The following MORC2 variants were observed in gnomAD, a reference collection of about 807,000 sequenced individuals.
MORC2 encodes the protein ATPase MORC2.
Under a neutral mutation model 136.0 loss-of-function variants are expected in MORC2, and 30 were observed. The ratio of observed to expected loss-of-function variants is 0.22; its 90% confidence interval spans 0.17 to 0.30. MORC2 has a LOEUF of 0.30. MORC2 is among the 10% of genes least tolerant of loss of function. MORC2 has a pLI of 1.00. For missense variants in MORC2, 922 were observed against 1,333.1 expected (o/e 0.69, Z 4.80); for synonymous variants, 439 against 487.0 (o/e 0.90, Z 1.30).
At chr22:30,926,963 CCA>C (rs1273723138) in intron 25 of MORC2, 92 bp from the exon 26 acceptor site, 7 of 1,072,120 alleles carry the variant, frequency 6.5e-6, no homozygotes, top group Non-Finnish European at 9.8e-6. Flanking sequence ...GGGATGGAGC[CCA>C]GAGTCCTCTC....
chr22:30,931,584 C>T (rs1262707352), intron 24 of MORC2, among the ~76,000 whole-genome samples: 4 of 152,216 alleles, frequency 2.6e-5, no homozygotes. Flanking sequence ...CAGCCTGTTG[C>T]CTGGACCCCA....
chr22:30,926,950 C>A, intron 25 of MORC2, 79 bp from the exon 26 acceptor site: 3 of 1,257,350 alleles, frequency 2.4e-6, no homozygotes, highest in Non-Finnish European at 3.5e-6. Context: ...TCTCTCAGCT[C>A]CTGGGATGGA....
intron 5 of MORC2, among the ~76,000 whole-genome samples, chr22:30,949,154 G>C (rs565103464): frequency 1.2e-4 from 19 of 152,274 alleles, no homozygotes; most frequent in Admixed American, 1.1e-3. Flanking sequence ...TTTCTCTTGG[G>C]GCTTCACTCA....
intron 6 of MORC2, among the ~76,000 whole-genome samples, chr22:30,942,836 C>T (rs950292503): frequency 6.6e-6 from 1 of 152,036 alleles, no homozygotes; most frequent in Non-Finnish European, 1.5e-5. Flanking sequence ...GAATCCCGGT[C>T]TCCACTAAAA....
Position 30,935,223 on chromosome 22 carries a change from C to T in MORC2, c.1812+25G>A, listed in dbSNP as rs199875348. ...CTAGCATGAGACACCTGAGGAAAAG[C>T]CCTTCCCAGGCCCCTGGACTTCACC... is the stretch of plus-strand genomic sequence containing the variant. On this transcript the variant is annotated intron_variant, in intron 18 of 25. Coordinates refer to ENST00000397641, the MANE Select transcript of MORC2 (RefSeq NM_001303256.3). The T allele has an allele frequency of 3.1e-6, 5 of 1,612,288 alleles. No homozygotes were observed. The East Asian group carries it at 6.7e-5, about 22-fold the overall frequency.
At chr22:30,936,671 G>A (rs748560908) in intron 16 of MORC2, 28 bp from the exon 17 acceptor site, 17 of 1,606,014 alleles carry the variant, frequency 1.1e-5, no homozygotes, top group Admixed American at 3.4e-5. Flanking sequence ...TACAGAGGTC[G>A]TGGCAAACAG....
intron 3 of MORC2, among the ~76,000 whole-genome samples, chr22:30,954,324 G>T (rs1478256256): frequency 6.6e-6 from 1 of 152,124 alleles, no homozygotes; most frequent in Non-Finnish European, 1.5e-5. Context: ...TGTTAACAAG[G>T]CCCTGTGGTA....
chr22:30,950,352 C>CCCACA, intron 4 of MORC2, 25 bp downstream of exon 4: 1 of 1,449,958 alleles, frequency 6.9e-7, no homozygotes, highest in Non-Finnish European at 9.7e-7. Context: ...CCCCCACCCC[C>CCCACA]CAAAACAATA....
chr22:30,952,519 TA>T (rs1177351140), intron 3 of MORC2, among the ~76,000 whole-genome samples: 1 of 152,214 alleles, frequency 6.6e-6, no homozygotes, highest in Non-Finnish European at 1.5e-5. Flanking sequence ...TCGTGTAGTT[TA>T]AAGGGTAAGA....
chr22:30,939,887 G>T (rs1287976239), intron 11 of MORC2, 72 bp downstream of exon 11: 5 of 1,501,388 alleles, frequency 3.3e-6, no homozygotes, highest in African/African-American at 1.4e-5. Flanking sequence ...TGTTTTACTT[G>T]ACCAGGCTCA....
intron 12 of MORC2, among the ~76,000 whole-genome samples, chr22:30,939,145 A>C (rs2040703136): frequency 6.6e-6 from 1 of 152,226 alleles, no homozygotes; most frequent in South Asian, 2.1e-4. Flanking sequence ...CTGGTTCTAA[A>C]TGCAAAAGTA....
In MORC2 at chr22:30,935,320, T is replaced by C; in HGVS notation, c.1740A>G (p.Lys580=). Residue 580 remains lysine, a splice_region_variant and synonymous_variant, in exon 18 of 26, where the codon AAA becomes AAG. Transcript: ENST00000397641. Reference sequence around the variant, plus strand: ...CTGCTTGGGAGCGGATGGGTGTGGTTTTCTGCAAGGCAAACATCATGATGA... The same window carrying C: ...CTGCTTGGGAGCGGATGGGTGTGGTCTTCTGCAAGGCAAACATCATGATGA... ...QQQEKLEALQ[K]TTPIRSQADL... 6.2e-7 allele frequency: 1 copy of C among 1,613,528 alleles called. No individual in the cohort carries two copies. The highest frequency in any genetic ancestry group is 8.5e-7 in the Non-Finnish European group (1 of 1,179,748).
Position 30,968,185 on chromosome 22 carries a change from A to G in MORC2, c.-296T>C. 1 of 320,910 alleles carries G rather than the reference A, an allele frequency of 3.1e-6. No individual in the cohort carries two copies. Among genetic ancestry groups the G allele is most frequent in the South Asian group, 3.4e-5 (1 of 29,810 alleles). The allele number at this position is 320,910 out of a possible 1,614,324, so 19.9% of individuals were successfully genotyped here. A position where few individuals can be genotyped will look rare whatever the true frequency, so the allele number is the denominator to read the frequency against. On this transcript the variant is annotated 5_prime_UTR_variant, in exon 1 of 26. Transcript: ENST00000397641. ...GCATTAAGTTGCGATAGCTCAATTC[A>G]GACAATCTGAGTCTCGTGTGGATGG... is the stretch of plus-strand genomic sequence containing the variant.
intron 1 of MORC2, among the ~76,000 whole-genome samples, chr22:30,962,451 C>G (rs1407538770): frequency 6.6e-6 from 1 of 151,590 alleles, no homozygotes; most frequent in East Asian, 1.9e-4. Flanking sequence ...ATAAATAAGC[C>G]AGGTGTGGTG....
chr22:30,932,560 A>G lies in MORC2; in HGVS notation c.2732T>C (p.Leu911Pro). 6.2e-7 allele frequency: 1 copy of G among 1,614,146 alleles called. No individual in the cohort carries two copies. Among genetic ancestry groups the G allele is most frequent in the South Asian group, 1.1e-5 (1 of 91,078 alleles). ...LSTNHETIDL[L>P]VQILRNCLRY... ...ACACATGTACCGGAGGATCTGGACA[A>G]GCAGGTCGATGGTCTCGTGATTGGT... Residue 911 changes from leucine (L) to proline (P), a missense_variant, in exon 23 of 26, where the codon CTT becomes CCT. This residue lies in a region of MORC2 where 263 missense variants were observed against 388.3 expected (regional missense o/e 0.68). Transcript: ENST00000397641. This position sits in a 1 kb window ranked among gnomAD's most constrained non-coding sequence, Gnocchi z 4.4.
intron 3 of MORC2, among the ~76,000 whole-genome samples, chr22:30,953,660 C>T (rs549283085): frequency 6.6e-6 from 1 of 152,262 alleles, no homozygotes; most frequent in Non-Finnish European, 1.5e-5. Flanking sequence ...TTAATCATTG[C>T]CCTGGCATCA....
rs369384586 is a variant in MORC2 at position 30,934,104 on chromosome 22, G to A, written c.2281C>T (p.Arg761Trp). ...EAERRKERCK[R>W]GRFVVKEEKK... ...TCCTCCTTCACAACAAATCTGCCCC[G>A]CTTGCACCTCTCCTTCCTCCTCTCA... Residue 761 changes from arginine (R) to tryptophan (W), a missense_variant, in exon 20 of 26, where the codon CGG becomes TGG. Coordinates refer to ENST00000397641, the MANE Select transcript of MORC2 (RefSeq NM_001303256.3). This position sits in a 1 kb window ranked among gnomAD's most constrained non-coding sequence, Gnocchi z 4.4. 1.9e-5 allele frequency: 31 copies of A among 1,613,948 alleles called. No homozygotes were observed. Among genetic ancestry groups the A allele is most frequent in the East Asian group, 8.9e-5 (4 of 44,888 alleles).
At chr22:30,938,043 G>A (rs1202044794) in intron 13 of MORC2, 22 bp downstream of exon 13, 2 of 1,613,874 alleles carry the variant, frequency 1.2e-6, no homozygotes, top group African/African-American at 1.3e-5. Flanking sequence ...GGGCTAGACA[G>A]CTCTCTGTGG....
At chr22:30,949,067 C>T (rs1274756549) in intron 5 of MORC2, among the ~76,000 whole-genome samples, 2 of 152,224 alleles carry the variant, frequency 1.3e-5, no homozygotes, top group Non-Finnish European at 2.9e-5. Context: ...TCCATTTGCA[C>T]AAACTCCAAT....
Sources: allele counts gnomAD v4.1 joint callset (sites outside exome capture counted in the v4.1 genomes callset), GRCh38; gene constraint gnomAD v4.1.1; regional missense constraint gnomAD v4.1.1; non-coding constraint Gnocchi (gnomAD v3.1); transcripts MANE v1.5; gene names NCBI Gene and HGNC (gene_info 2026-07-23, HGNC 2026-07-21).